Variants in VTI1A observed in about 807,000 individuals in gnomAD.
VTI1A encodes the protein vesicle transport through interaction with t-SNAREs 1A, also known as vesicle transport through interaction with t-SNAREs homolog 1A.
A neutral mutation model predicts 34.9 loss-of-function variants in VTI1A; 22 were observed. That is an observed-to-expected ratio of 0.63 (90% CI 0.45 to 0.90). VTI1A has a LOEUF of 0.90. Ranked by LOEUF, VTI1A falls within the 40% of genes least tolerant of loss-of-function variation. The pLI is 0.00. For synonymous variants in VTI1A, 87 were observed against 97.3 expected, an observed-to-expected ratio of 0.89 and a Z score of 0.62; for missense variants, 268 against 275.6, an observed-to-expected ratio of 0.97 and a Z score of 0.20.
intron 7 of VTI1A, among the ~76,000 whole-genome samples, chr10:112,803,691 A>C (rs1424048894): frequency 6.6e-6 from 1 of 152,154 alleles, no homozygotes; most frequent in African/African-American, 2.4e-5. Context: ...ACTTGAGCCC[A>C]GGAGGTGAAG....
At chr10:112,654,489 T>C (rs574242555) in intron 5 of VTI1A, among the ~76,000 whole-genome samples, 1 of 152,174 alleles carries the variant, frequency 6.6e-6, no homozygotes, top group South Asian at 2.1e-4. Context: ...TTTTTCTTTT[T>C]ATTTATTTAT....
At chr10:112,740,374 C>T (rs1345939218) in intron 7 of VTI1A, among the ~76,000 whole-genome samples, 3 of 152,186 alleles carry the variant, frequency 2.0e-5, no homozygotes, top group Non-Finnish European at 4.4e-5. Flanking sequence ...ACTGCAACCT[C>T]CGCCTCCCAG....
the VTI1A span, chr10:112,831,809 A>T: frequency 6.6e-6 from 1 of 152,132 alleles, no homozygotes; most frequent in Non-Finnish European, 1.5e-5. Context: ...TCCCTCCTTG[A>T]CCCTGAAAAT....
chr10:112,668,231 G>C lies in VTI1A; in HGVS notation c.441G>C (p.Gln147His). Residue 147 changes from glutamine (Q) to histidine (H), a missense_variant, in exon 6 of 8, where the codon CAG becomes CAC. Transcript: ENST00000393077. ...QIAVETEQIG[Q>H]EMLENLSHDR... Reference sequence around the variant, plus strand: ...TCTTTTCCGTAGAGCAAATTGGTCAGGAGATGTTGGAAAACCTTAGTCATG... The same window carrying C: ...TCTTTTCCGTAGAGCAAATTGGTCACGAGATGTTGGAAAACCTTAGTCATG... 6.2e-7 allele frequency: 1 copy of C among 1,612,564 alleles called. No individual in the cohort carries two copies. The highest frequency in any genetic ancestry group is 8.5e-7 in the Non-Finnish European group (1 of 1,178,996).
chr10:112,566,720 G>A (rs534571777), intron 5 of VTI1A, among the ~76,000 whole-genome samples: 8 of 152,204 alleles, frequency 5.3e-5, no homozygotes, highest in South Asian at 2.1e-4. Context: ...TATTGTTGGC[G>A]AATGGGACTC....
intron 5 of VTI1A, among the ~76,000 whole-genome samples, chr10:112,628,180 G>A (rs1845994543): frequency 1.3e-5 from 2 of 152,136 alleles, no homozygotes; most frequent in South Asian, 4.1e-4. Flanking sequence ...TGACTGCTTA[G>A]TATTCCATAA....
intron 3 of VTI1A, among the ~76,000 whole-genome samples, chr10:112,506,453 G>A (rs368967110): frequency 1.3e-5 from 2 of 152,112 alleles, no homozygotes; most frequent in African/African-American, 4.8e-5. Flanking sequence ...ATGCCATTTT[G>A]TGTTATTTTT....
chr10:112,797,499 C>A (rs967394814), intron 7 of VTI1A, among the ~76,000 whole-genome samples: 1 of 152,080 alleles, frequency 6.6e-6, no homozygotes, highest in African/African-American at 2.4e-5. Context: ...GCCCCGAGTC[C>A]CAAGTTTGGG....
chr10:112,719,672 G>C (rs555256322), intron 7 of VTI1A, among the ~76,000 whole-genome samples: 1 of 151,960 alleles, frequency 6.6e-6, no homozygotes, highest in Non-Finnish European at 1.5e-5. Context: ...TCAGCTTTCC[G>C]AGTAGTTGGG....
downstream of VTI1A, among the ~76,000 whole-genome samples, chr10:112,821,880 G>T (rs555086275): frequency 1.3e-5 from 2 of 152,322 alleles, no homozygotes; most frequent in East Asian, 1.9e-4. Context: ...ACAGGAAGTG[G>T]TCAAGGCCTT....
At chr10:112,790,964 G>A (rs1852451803) in intron 7 of VTI1A, among the ~76,000 whole-genome samples, 2 of 152,094 alleles carry the variant, frequency 1.3e-5, no homozygotes, top group African/African-American at 4.8e-5. Context: ...GAATCCCAAA[G>A]ACCCCTCCTC....
chr10:112,638,829 T>G (rs1466232993), intron 5 of VTI1A, among the ~76,000 whole-genome samples: 1 of 151,664 alleles, frequency 6.6e-6, no homozygotes, highest in African/African-American at 2.4e-5. Flanking sequence ...GGCTTTTTTT[T>G]TTTTTCATTT....
intron 2 of VTI1A, among the ~76,000 whole-genome samples, chr10:112,463,916 T>C (rs952941016): frequency 3.9e-5 from 6 of 152,350 alleles, no homozygotes; most frequent in Non-Finnish European, 8.8e-5. Flanking sequence ...CAAGACCCGG[T>C]TGGATTGAAT....
At chr10:112,754,698 G>A (rs1242403897) in intron 7 of VTI1A, among the ~76,000 whole-genome samples, 2 of 152,196 alleles carry the variant, frequency 1.3e-5, no homozygotes, top group Non-Finnish European at 2.9e-5. Context: ...CATCGTCTCT[G>A]TCTTTATGCC....
At chr10:112,649,403 C>T (rs1846923942) in intron 5 of VTI1A, among the ~76,000 whole-genome samples, 1 of 152,158 alleles carries the variant, frequency 6.6e-6, no homozygotes, top group South Asian at 2.1e-4. Context: ...TGAAGTGTGG[C>T]TTATCATATT....
rs752929509 is a variant in VTI1A at position 112,705,941 on chromosome 10, C to A, written c.560+36943C>A. 1.3e-4 allele frequency among the ~76,000 whole-genome samples: 19 copies of A among 151,544 alleles called. 1 individual carries two copies. Among genetic ancestry groups the A allele is most frequent in the Non-Finnish European group, 2.4e-4 (16 of 67,996 alleles). Reference sequence around the variant, plus strand: ...CGATTGTCATTTGAAAAAAAAAATTCTTTTGTCGTTGTTGTTTTTGTTAAG... The same window carrying A: ...CGATTGTCATTTGAAAAAAAAAATTATTTTGTCGTTGTTGTTTTTGTTAAG... On this transcript the variant is annotated intron_variant, in intron 7 of 7. Transcript: ENST00000393077.
intron 3 of VTI1A, among the ~76,000 whole-genome samples, chr10:112,500,341 A>G (rs1350227619): frequency 1.3e-5 from 2 of 152,124 alleles, no homozygotes; most frequent in East Asian, 3.9e-4. Flanking sequence ...AGGCTGAGGC[A>G]GGAGAATTGC....
In VTI1A at chr10:112,815,841, C is replaced by T. The variant is rs944443079; in HGVS notation, c.*458C>T. Reference sequence around the variant, plus strand: ...AAGCAGGGGATGGAGTCAGTGACCCCGTCCAGCAAGCCAGCCCTGTTCCTA... The same window carrying T: ...AAGCAGGGGATGGAGTCAGTGACCCTGTCCAGCAAGCCAGCCCTGTTCCTA... On this transcript the variant is annotated 3_prime_UTR_variant, in exon 8 of 8. Transcript: ENST00000393077. 4.4e-5 allele frequency: 11 copies of T among 247,546 alleles called. No homozygotes were observed. The highest frequency in any genetic ancestry group is 7.9e-5 in the Non-Finnish European group (10 of 126,868). 15.3% of individuals were successfully genotyped at this position (247,546 alleles called of 1,614,324 possible). A position where few individuals can be genotyped will look rare whatever the true frequency, so the allele number is the denominator to read the frequency against.
intron 3 of VTI1A, among the ~76,000 whole-genome samples, chr10:112,476,571 G>A (rs936489391): frequency 6.6e-6 from 1 of 152,154 alleles, no homozygotes; most frequent in Non-Finnish European, 1.5e-5. Context: ...TTAAGGTGAT[G>A]GCTCAGTATG....
Sources: gnomAD v4.1 joint callset for allele counts (sites outside exome capture counted in the v4.1 genomes callset) on GRCh38, gnomAD v4.1.1 for gene constraint, MANE v1.5 for transcripts, NCBI Gene and HGNC (gene_info 2026-07-23, HGNC 2026-07-21) for gene names.